Variants in CYB5R4 observed in about 807,000 individuals in gnomAD.
The protein encoded by CYB5R4 is cytochrome b5 reductase 4, also known as N-terminal cytochrome b5 and cytochrome b5 oxidoreductase domain-containing protein.
A neutral mutation model predicts 70.2 loss-of-function variants in CYB5R4; 55 were observed. The observed-to-expected ratio is 0.78, with a 90% confidence interval of 0.63 to 0.98. The LOEUF (loss-of-function observed/expected upper bound fraction) is 0.98. Ranked by LOEUF, CYB5R4 falls within the 50% of genes least tolerant of loss-of-function variation. The pLI, the probability that CYB5R4 is intolerant of heterozygous loss-of-function variation, is 0.00. For missense variants in CYB5R4, 562 were observed against 612.6 expected, an observed-to-expected ratio of 0.92 and a Z score of 0.87; for synonymous variants, 197 against 199.5, an observed-to-expected ratio of 0.99 and a Z score of 0.11.
chr6:83,904,215 C>G (rs898214191), intron 3 of CYB5R4, among the ~76,000 whole-genome samples: 1 of 152,028 alleles, frequency 6.6e-6, no homozygotes, highest in East Asian at 1.9e-4. Flanking sequence ...TTTTGCTATT[C>G]CACAGGTTTT....
At chr6:83,893,060 T>C (rs1193833912) in intron 2 of CYB5R4, among the ~76,000 whole-genome samples, 1 of 152,206 alleles carries the variant, frequency 6.6e-6, no homozygotes, top group Non-Finnish European at 1.5e-5. Context: ...CTTTGCTTAC[T>C]CTTCTGTATA....
At chr6:83,912,264 T>C (rs2099464818) in intron 4 of CYB5R4, among the ~76,000 whole-genome samples, 1 of 152,180 alleles carries the variant, frequency 6.6e-6, no homozygotes, top group African/African-American at 2.4e-5. Context: ...AAATTATCTT[T>C]ATGTATGATA....
intron 3 of CYB5R4, among the ~76,000 whole-genome samples, chr6:83,906,704 T>A (rs2099463822): frequency 6.6e-6 from 1 of 152,236 alleles, no homozygotes; most frequent in South Asian, 2.1e-4. Context: ...CTATTCAGAA[T>A]GTAATTATCC....
chr6:83,950,861 C>T (rs1292728962), intron 14 of CYB5R4, among the ~76,000 whole-genome samples: 1 of 152,060 alleles, frequency 6.6e-6, no homozygotes, highest in Non-Finnish European at 1.5e-5. Flanking sequence ...ATAATGTAGT[C>T]ATACTAACTA....
chr6:83,918,912 A>G (rs375969926), intron 6 of CYB5R4, among the ~76,000 whole-genome samples: 10 of 152,160 alleles, frequency 6.6e-5, no homozygotes, highest in Non-Finnish European at 1.5e-4. Context: ...AAGAGTATCA[A>G]TTTGATCAAT....
intron 3 of CYB5R4, among the ~76,000 whole-genome samples, chr6:83,896,819 T>A (rs1588567961): frequency 1.3e-5 from 2 of 152,286 alleles, no homozygotes; most frequent in South Asian, 4.1e-4. Flanking sequence ...GTAGTTCTAT[T>A]AATATTTTAG....
intron 9 of CYB5R4, among the ~76,000 whole-genome samples, chr6:83,922,900 C>T (rs917608860): frequency 1.3e-5 from 2 of 152,036 alleles, no homozygotes; most frequent in Admixed American, 6.6e-5. Flanking sequence ...GTGATCCTCC[C>T]GTCTCAGCCT....
In CYB5R4 at chr6:83,859,705, C is replaced by T. The variant is rs575178034; in HGVS notation, c.-78C>T. ...GTGGGTCGGGGGCTTGGCCTCTGCC[C>T]GGCCACAGAGCCGGAGCTGGAGGTG... On this transcript the variant is annotated 5_prime_UTR_variant, in exon 1 of 16. Coordinates refer to ENST00000369681, the MANE Select transcript of CYB5R4 (RefSeq NM_016230.4). 2.0e-6 allele frequency: 3 copies of T among 1,522,382 alleles called. No homozygotes were observed. The highest frequency in any genetic ancestry group is 2.7e-6 in the Non-Finnish European group (3 of 1,109,914). The allele number at this position is 1,522,382 out of a possible 1,614,324, so 94.3% of individuals were successfully genotyped here. A position where few individuals can be genotyped will look rare whatever the true frequency, so the allele number is the denominator to read the frequency against.
At chr6:83,887,601 G>T (rs1282450215) in intron 2 of CYB5R4, among the ~76,000 whole-genome samples, 1 of 152,100 alleles carries the variant, frequency 6.6e-6, no homozygotes, top group Non-Finnish European at 1.5e-5. Flanking sequence ...TATTGCTAGG[G>T]CATTTAAAAA....
intron 2 of CYB5R4, among the ~76,000 whole-genome samples, chr6:83,889,341 G>C (rs1236883273): frequency 1.3e-5 from 2 of 152,182 alleles, no homozygotes; most frequent in Non-Finnish European, 2.9e-5. Context: ...AGGACAGTCT[G>C]ACAGTCTGAC....
intron 14 of CYB5R4, 24 bp from the exon 15 acceptor site, chr6:83,955,274 A>T: frequency 6.4e-7 from 1 of 1,567,290 alleles, no homozygotes; most frequent in Non-Finnish European, 8.6e-7. Context: ...ATAAACTTTA[A>T]AAAGCTGTTT....
At chr6:83,881,155 C>T (rs924101496) in intron 2 of CYB5R4, among the ~76,000 whole-genome samples, 1 of 151,798 alleles carries the variant, frequency 6.6e-6, no homozygotes, top group Non-Finnish European at 1.5e-5. Context: ...GGGGATTATA[C>T]TGCCTTTTTT....
At chr6:83,936,671 G>T (rs749453658) in intron 12 of CYB5R4, among the ~76,000 whole-genome samples, 4 of 152,158 alleles carry the variant, frequency 2.6e-5, no homozygotes, top group Non-Finnish European at 5.9e-5. Flanking sequence ...CTACATCTCA[G>T]TGACTTTTTC....
intron 12 of CYB5R4, among the ~76,000 whole-genome samples, chr6:83,937,454 ATCT>A (rs1451624367): frequency 1.3e-5 from 2 of 152,120 alleles, no homozygotes; most frequent in African/African-American, 4.8e-5. Flanking sequence ...TGTCTTACTT[ATCT>A]TTGTATTTCC....
intron 14 of CYB5R4, among the ~76,000 whole-genome samples, chr6:83,945,564 C>G (rs1340151508): frequency 6.6e-6 from 1 of 151,984 alleles, no homozygotes; most frequent in Admixed American, 6.6e-5. Flanking sequence ...CAAGAAATAA[C>G]TAAGATCAGA....
chr6:83,947,556 C>G (rs2099470818), intron 14 of CYB5R4, among the ~76,000 whole-genome samples: 1 of 152,058 alleles, frequency 6.6e-6, no homozygotes, highest in African/African-American at 2.4e-5. Context: ...CAAATGGGCT[C>G]TAATTAAGAG....
intron 10 of CYB5R4, among the ~76,000 whole-genome samples, chr6:83,930,097 A>C (rs951123444): frequency 1.4e-4 from 21 of 152,226 alleles, no homozygotes; most frequent in Non-Finnish European, 3.1e-4. Flanking sequence ...TTTAAAAAAC[A>C]GTATATTACT....
intron 9 of CYB5R4, among the ~76,000 whole-genome samples, chr6:83,923,039 T>C (rs2099466656): frequency 6.6e-6 from 1 of 151,836 alleles, no homozygotes; most frequent in African/African-American, 2.4e-5. Flanking sequence ...TTTCTTTTTT[T>C]TCTCCTTAAA....
chr6:83,880,908 G>A (rs1435440125), intron 2 of CYB5R4, among the ~76,000 whole-genome samples: 1 of 152,172 alleles, frequency 6.6e-6, no homozygotes, highest in East Asian at 1.9e-4. Context: ...GCAAATAAGT[G>A]TCCTGGGAGC....
Sources: gnomAD v4.1 joint callset for allele counts (sites outside exome capture counted in the v4.1 genomes callset) on GRCh38, gnomAD v4.1.1 for gene constraint, MANE v1.5 for transcripts, NCBI Gene and HGNC (gene_info 2026-07-23, HGNC 2026-07-21) for gene names.